Variants in SGK1 observed in about 807,000 individuals in gnomAD.
SGK1 encodes serine/threonine-protein kinase Sgk1.
SGK1 carries 26 observed loss-of-function variants against 64.2 expected under a neutral mutation model. The ratio of observed to expected loss-of-function variants is 0.40; its 90% confidence interval spans 0.30 to 0.56. The LOEUF (loss-of-function observed/expected upper bound fraction) is 0.56. Ranked by LOEUF, SGK1 falls within the 20% of genes least tolerant of loss-of-function variation. The probability of loss-of-function intolerance (pLI) is 0.38; values close to 1 mark genes in which losing one functional copy is unlikely to be tolerated. For synonymous variants in SGK1, 265 were observed against 239.7 expected, an observed-to-expected ratio of 1.11 and a Z score of -0.98; for missense variants, 519 against 645.6, an observed-to-expected ratio of 0.80 and a Z score of 2.12.
At position 134,174,803 on chromosome 6, in the gene SGK1, G is replaced by T. The variant is rs772631179; in HGVS notation, c.362-217C>A. 6 of 1,614,004 alleles carry T rather than the reference G, an allele frequency of 3.7e-6. No individual in the cohort carries two copies. The South Asian group carries it at 6.6e-5, about 18-fold the overall frequency. On this transcript the variant is annotated intron_variant, in intron 3 of 13. Transcript: ENST00000367858. The stretch of plus-strand genomic sequence containing the variant: ...GCCCTTAGCAGCCTCAGTTTTCACC[G>T]TCATCACCACCGCGGGGAGACAGAA...
chr6:134,248,371 A>G (rs771329208), intron 2 of SGK1, among the ~76,000 whole-genome samples: 2 of 152,032 alleles, frequency 1.3e-5, no homozygotes, highest in Non-Finnish European at 2.9e-5. Flanking sequence ...TACAAGGTCA[A>G]TAATGTCATC....
intron 2 of SGK1, among the ~76,000 whole-genome samples, chr6:134,243,602 C>T (rs2114727550): frequency 6.6e-6 from 1 of 152,310 alleles, no homozygotes; most frequent in Admixed American, 6.5e-5. Flanking sequence ...CTCCTGGCCT[C>T]AGGTGATCTG....
chr6:134,186,132 C>T (rs979920066), intron 3 of SGK1, among the ~76,000 whole-genome samples: 2 of 152,196 alleles, frequency 1.3e-5, no homozygotes, highest in Admixed American at 6.5e-5. Flanking sequence ...AACCATCACA[C>T]GTTCTCACCT....
chr6:134,183,219 T>C (rs1458329569), intron 3 of SGK1, among the ~76,000 whole-genome samples: 1 of 152,212 alleles, frequency 6.6e-6, no homozygotes, highest in Non-Finnish European at 1.5e-5. Context: ...ACATGGTATT[T>C]TGAAACATGT....
chr6:134,242,067 A>G (rs1333950944), intron 2 of SGK1, among the ~76,000 whole-genome samples: 1 of 152,230 alleles, frequency 6.6e-6, no homozygotes, highest in African/African-American at 2.4e-5. Flanking sequence ...TAAGTGAGAA[A>G]CAAGATAGGC....
At chr6:134,179,785 G>C (rs1313367772) in intron 3 of SGK1, among the ~76,000 whole-genome samples, 1 of 152,090 alleles carries the variant, frequency 6.6e-6, no homozygotes, top group Non-Finnish European at 1.5e-5. Flanking sequence ...TTCCAAGACA[G>C]AGGTGATAAT....
chr6:134,249,985 TA>T (rs1776582272), intron 2 of SGK1, among the ~76,000 whole-genome samples: 6 of 152,182 alleles, frequency 3.9e-5, no homozygotes. Flanking sequence ...CCACGTTACT[TA>T]ACTAGAGAGC....
chr6:134,300,872 G>A (rs941530994), intron 1 of SGK1, among the ~76,000 whole-genome samples: 9 of 152,096 alleles, frequency 5.9e-5, no homozygotes, highest in African/African-American at 1.4e-4. Flanking sequence ...GACCTCGGGT[G>A]ATCTACCCGC....
intron 2 of SGK1, among the ~76,000 whole-genome samples, chr6:134,212,120 C>A (rs1305523914): frequency 6.6e-6 from 1 of 151,520 alleles, no homozygotes; most frequent in Non-Finnish European, 1.5e-5. Context: ...GTGGTGCGAT[C>A]TCGGCTCACT....
chr6:134,281,526 T>C (rs1777094676), intron 1 of SGK1, among the ~76,000 whole-genome samples: 1 of 151,800 alleles, frequency 6.6e-6, no homozygotes, highest in South Asian at 2.1e-4. Flanking sequence ...GTTCTTTTTT[T>C]TTTTTTTTAG....
At chr6:134,307,893 T>C (rs1777557832) in intron 1 of SGK1, among the ~76,000 whole-genome samples, 1 of 152,202 alleles carries the variant, frequency 6.6e-6, no homozygotes, top group Admixed American at 6.5e-5. Flanking sequence ...CTTGATTAAA[T>C]TGTTTTTATT....
chr6:134,173,674 G>T, intron 5 of SGK1, 108 bp from the exon 6 acceptor site: 1 of 732,156 alleles, frequency 1.4e-6, no homozygotes, highest in South Asian at 1.9e-5. Flanking sequence ...TGATGCAAAT[G>T]ACCATACATC....
rs11418007 is a variant in SGK1 at position 134,252,616 on chromosome 6, C to CAAAAAAAAAAAAAA, written c.285+9303_285+9316dup. 4.5e-5 allele frequency among the ~76,000 whole-genome samples: 3 copies of CAAAAAAAAAAAAAA among 65,998 alleles called. 1 individual carries two copies. The highest frequency in any genetic ancestry group is 6.3e-5 in the African/African-American group (1 of 15,884). The allele number at this position is 65,998 out of a possible 152,430, so 43.3% of individuals were successfully genotyped here. ...TGGGCAACAGAGTGAGATTCCACCT[C>CAAAAAAAAAAAAAA]AAAAAAAAAAAAAAAAAAAAAAAAG... On this transcript the variant is annotated intron_variant, in intron 2 of 13. Coordinates refer to ENST00000367858, the MANE Select transcript of SGK1 (RefSeq NM_001143676.3).
chr6:134,255,665 T>C (rs1776672703), intron 2 of SGK1, among the ~76,000 whole-genome samples: 4 of 132,292 alleles, frequency 3.0e-5, no homozygotes, highest in Non-Finnish European at 6.2e-5. Context: ...CACTACAACC[T>C]CCACCACCTC....
intron 2 of SGK1, among the ~76,000 whole-genome samples, chr6:134,253,414 A>G (rs1776634536): frequency 6.6e-6 from 1 of 151,812 alleles, no homozygotes; most frequent in South Asian, 2.1e-4. Context: ...GATTACAGAC[A>G]TGAGCCACCG....
At chr6:134,312,770 T>C (rs908843976) in intron 1 of SGK1, among the ~76,000 whole-genome samples, 10 of 149,090 alleles carry the variant, frequency 6.7e-5, no homozygotes, top group African/African-American at 2.5e-4. Flanking sequence ...TTTTTATATA[T>C]GATAATTTTT....
At chr6:134,233,018 A>C (rs1776313747) in intron 2 of SGK1, among the ~76,000 whole-genome samples, 2 of 151,938 alleles carry the variant, frequency 1.3e-5, no homozygotes, top group Admixed American at 1.3e-4. Context: ...TTTATCTAGC[A>C]TCTATATCTC....
chr6:134,189,960 T>C (rs1208254344), intron 3 of SGK1, among the ~76,000 whole-genome samples: 3 of 151,768 alleles, frequency 2.0e-5, no homozygotes, highest in African/African-American at 7.3e-5. Flanking sequence ...AGTGATTCTC[T>C]TGCCTCAGCC....
At chr6:134,199,448 A>G (rs1775647452) in intron 3 of SGK1, among the ~76,000 whole-genome samples, 2 of 151,726 alleles carry the variant, frequency 1.3e-5, no homozygotes, top group Admixed American at 1.3e-4. Context: ...AATCCCAGCT[A>G]CTCAGGAGGC....
Sources: allele counts gnomAD v4.1 joint callset (sites outside exome capture counted in the v4.1 genomes callset), GRCh38; gene constraint gnomAD v4.1.1; transcripts MANE v1.5; gene names NCBI Gene and HGNC (gene_info 2026-07-23, HGNC 2026-07-21).